C12orf54: variants seen among roughly 807,000 people sequenced by gnomAD.
C12orf54 encodes the protein uncharacterized protein C12orf54.
In C12orf54, 24 loss-of-function variants were observed where a neutral mutation model predicts 26.4. That is an observed-to-expected ratio of 0.91 (90% CI 0.66 to 1.28). The LOEUF is 1.28. Among genes scored for constraint, C12orf54 ranks in the 50% most tolerant of loss-of-function variants. The pLI is 0.00. For missense variants in C12orf54, 154 were observed against 150.9 expected (o/e 1.02, Z -0.11); for synonymous variants, 54 against 47.0 (o/e 1.15, Z -0.61).
chr12:48,461,375 G>A, the C12orf54 span, among the ~76,000 whole-genome samples: 1 of 151,770 alleles, frequency 6.6e-6, no homozygotes. Context: ...AAAACACTAT[G>A]AATCAACTTG....
intron 7 of C12orf54, among the ~76,000 whole-genome samples, chr12:48,493,627 TA>T (rs10535607): frequency 0.09 from 11,183 of 123,686 alleles, 487 homozygotes; most frequent in Middle Eastern, 0.1. Context: ...ACTGTCTCAT[TA>T]AAAAAAAAAA....
chr12:48,457,778 A>G, the C12orf54 span, among the ~76,000 whole-genome samples: 1 of 151,832 alleles, frequency 6.6e-6, no homozygotes, highest in Non-Finnish European at 1.5e-5. Flanking sequence ...GGCATTCTCT[A>G]CCTCCACAAT....
chr12:48,450,853 A>G, the C12orf54 span, among the ~76,000 whole-genome samples: 1 of 152,030 alleles, frequency 6.6e-6, no homozygotes, highest in Admixed American at 6.6e-5. Flanking sequence ...CCAACCATAA[A>G]AAGGCCAAGA....
the C12orf54 span, among the ~76,000 whole-genome samples, chr12:48,470,484 T>C: frequency 6.6e-6 from 1 of 152,202 alleles, no homozygotes; most frequent in African/African-American, 2.4e-5. Flanking sequence ...TTTCGAGAAG[T>C]GTCTGTTCAT....
the C12orf54 span, among the ~76,000 whole-genome samples, chr12:48,444,490 G>A: frequency 2.0e-5 from 3 of 152,218 alleles, no homozygotes; most frequent in Non-Finnish European, 2.9e-5. Flanking sequence ...GTCAAAGAGT[G>A]AAAATCTTAC....
the C12orf54 span, among the ~76,000 whole-genome samples, chr12:48,420,335 C>T: frequency 6.6e-6 from 1 of 152,176 alleles, no homozygotes. Context: ...ACCAAGACAG[C>T]CTCAACATTC....
intron 2 of C12orf54, among the ~76,000 whole-genome samples, chr12:48,484,121 G>A (rs1475583392): frequency 6.6e-6 from 1 of 152,194 alleles, no homozygotes; most frequent in African/African-American, 2.4e-5. Context: ...CTTGAACCTG[G>A]GAGGCGGAGG....
the C12orf54 span, among the ~76,000 whole-genome samples, chr12:48,458,644 A>G: frequency 1.3e-5 from 2 of 152,172 alleles, no homozygotes; most frequent in African/African-American, 4.8e-5. Flanking sequence ...AAATGTTTAC[A>G]AAATATTAGT....
chr12:48,475,764 A>G, the C12orf54 span, among the ~76,000 whole-genome samples: 45 of 152,298 alleles, frequency 3.0e-4, no homozygotes, highest in African/African-American at 9.9e-4. Context: ...CGAAATCTAC[A>G]TCTGATTGGT....
the C12orf54 span, among the ~76,000 whole-genome samples, chr12:48,470,330 T>C: frequency 6.6e-6 from 1 of 152,234 alleles, no homozygotes; most frequent in Non-Finnish European, 1.5e-5. Context: ...AAGTGTTGTC[T>C]TTTCTCCGCA....
chr12:48,413,835 G>T, the C12orf54 span, among the ~76,000 whole-genome samples: 1 of 152,142 alleles, frequency 6.6e-6, no homozygotes, highest in Non-Finnish European at 1.5e-5. Context: ...TGAACTAAAT[G>T]ACATCTCAAA....
chr12:48,465,813 C>A, the C12orf54 span, among the ~76,000 whole-genome samples: 2 of 152,094 alleles, frequency 1.3e-5, no homozygotes, highest in Non-Finnish European at 2.9e-5. Context: ...AACACAGGAA[C>A]AGAAAACCAA....
At chr12:48,450,055 T>A in the C12orf54 span, among the ~76,000 whole-genome samples, 9 of 152,208 alleles carry the variant, frequency 5.9e-5, no homozygotes, top group African/African-American at 1.9e-4. Flanking sequence ...GTAAGTCCAA[T>A]TAAACCTCTT....
intron 2 of C12orf54, chr12:48,483,595 G>T: frequency 2.1e-6 from 1 of 466,914 alleles, no homozygotes; most frequent in Non-Finnish European, 3.8e-6. Flanking sequence ...TTCCTCTAGG[G>T]GTTGGCGGGG....
chr12:48,444,285 C>T, the C12orf54 span, among the ~76,000 whole-genome samples: 1 of 152,188 alleles, frequency 6.6e-6, no homozygotes, highest in Non-Finnish European at 1.5e-5. Flanking sequence ...TTGAGAACAT[C>T]ACATCATTGG....
the C12orf54 span, among the ~76,000 whole-genome samples, chr12:48,454,477 A>G: frequency 0.064 from 9,776 of 152,152 alleles, 1,059 homozygotes; most frequent in African/African-American, 0.22. Context: ...AAAGATGAAG[A>G]CTATCACAAA....
the C12orf54 span, among the ~76,000 whole-genome samples, chr12:48,422,654 A>T: frequency 4.6e-5 from 7 of 152,358 alleles, 1 homozygote; most frequent in Non-Finnish European, 2.9e-5. Context: ...GGCAACTTGT[A>T]TAAGAAAAAT....
At chr12:48,430,475 C>T in the C12orf54 span, among the ~76,000 whole-genome samples, 1 of 152,084 alleles carries the variant, frequency 6.6e-6, no homozygotes, top group African/African-American at 2.4e-5. Flanking sequence ...ACAATCCCAT[C>T]AGAAAGTGGG....
Position 48,486,702 on chromosome 12 carries a change from C to G in C12orf54, c.111C>G (p.Thr37=). 1 of 1,613,186 alleles carries G rather than the reference C, an allele frequency of 6.2e-7. No individual in the cohort carries two copies. The highest frequency in any genetic ancestry group is 8.5e-7 in the Non-Finnish European group (1 of 1,179,214). Reference sequence around the variant, plus strand: ...TATTTCTACAGGAAAAACAGGTAACCATCACTGAAACCCTGTGGGACCAGG... The same window carrying G: ...TATTTCTACAGGAAAAACAGGTAACGATCACTGAAACCCTGTGGGACCAGG... The part of the protein sequence containing the change: ...ETMRPQEKQV[T]ITETLWDQVL... Residue 37 remains threonine, a synonymous_variant, in exon 4 of 9, where the codon ACC becomes ACG. Coordinates refer to ENST00000548364, the MANE Select transcript of C12orf54 (RefSeq NM_152319.4).
Sources: gnomAD v4.1 joint callset for allele counts (sites outside exome capture counted in the v4.1 genomes callset) on GRCh38, gnomAD v4.1.1 for gene constraint, MANE v1.5 for transcripts, NCBI Gene and HGNC (gene_info 2026-07-23, HGNC 2026-07-21) for gene names.